Variants in UNC5D observed in about 807,000 individuals in gnomAD.
UNC5D encodes the protein unc-5 netrin receptor D, also known as netrin receptor UNC5D.
UNC5D carries 39 observed loss-of-function variants against 105.4 expected under a neutral mutation model. The ratio of observed to expected loss-of-function variants is 0.37; its 90% CI spans 0.29 to 0.48. The LOEUF is 0.48. Ranked by LOEUF, UNC5D falls within the 20% of genes least tolerant of loss-of-function variation. The probability of loss-of-function intolerance (pLI) is 0.98; values close to 1 mark genes in which losing one functional copy is unlikely to be tolerated. For synonymous variants in UNC5D, 452 were observed against 450.4 expected, an observed-to-expected ratio of 1.00 and a Z score of -0.04; for missense variants, 991 against 1,202.4, an observed-to-expected ratio of 0.82 and a Z score of 2.60.
chr8:35,310,895 G>T (rs1327886919), intron 1 of UNC5D, among the ~76,000 whole-genome samples: 6 of 152,142 alleles, frequency 3.9e-5, no homozygotes, highest in African/African-American at 1.4e-4. Context: ...ACACAGTTGG[G>T]TCCATATGAT....
chr8:35,285,782 A>G (rs1806551664), intron 1 of UNC5D, among the ~76,000 whole-genome samples: 1 of 152,136 alleles, frequency 6.6e-6, no homozygotes, highest in East Asian at 1.9e-4. Flanking sequence ...GAATCCACAG[A>G]TTAATTCCCT....
chr8:35,386,448 T>C (rs756241133), intron 1 of UNC5D, among the ~76,000 whole-genome samples: 11 of 152,242 alleles, frequency 7.2e-5, no homozygotes, highest in Admixed American at 3.9e-4. Flanking sequence ...GAAGATTCAG[T>C]GATTTCTTCT....
chr8:35,543,936 G>A (rs1042671358), intron 1 of UNC5D, among the ~76,000 whole-genome samples: 2 of 152,126 alleles, frequency 1.3e-5, no homozygotes, highest in African/African-American at 4.8e-5. Flanking sequence ...CCTGCGACAG[G>A]CACTCACTAA....
intron 1 of UNC5D, among the ~76,000 whole-genome samples, chr8:35,264,585 C>T (rs1435229660): frequency 6.6e-6 from 1 of 151,970 alleles, no homozygotes; most frequent in African/African-American, 2.4e-5. Context: ...AAAATTATAG[C>T]CAGGTGTGGT....
intron 1 of UNC5D, among the ~76,000 whole-genome samples, chr8:35,333,104 T>A (rs1229214704): frequency 6.6e-6 from 1 of 151,974 alleles, no homozygotes; most frequent in Non-Finnish European, 1.5e-5. Flanking sequence ...TCCCAGCCCT[T>A]TGGAAGTATG....
intron 7 of UNC5D, among the ~76,000 whole-genome samples, chr8:35,695,271 A>G (rs547308823): frequency 7.2e-5 from 11 of 152,278 alleles, no homozygotes; most frequent in African/African-American, 2.2e-4. Flanking sequence ...TCCTCTGCTC[A>G]GCTGGTAGGA....
At chr8:35,498,098 A>C (rs992604977) in intron 1 of UNC5D, among the ~76,000 whole-genome samples, 5 of 105,792 alleles carry the variant, frequency 4.7e-5, no homozygotes, top group African/African-American at 1.9e-4. Context: ...AAAAAAAAAA[A>C]AAAAAAAAAA....
chr8:35,628,364 C>A (rs1014358112), intron 4 of UNC5D, among the ~76,000 whole-genome samples: 2 of 152,090 alleles, frequency 1.3e-5, no homozygotes, highest in African/African-American at 4.8e-5. Flanking sequence ...GAATTCCTTA[C>A]CTCAGGTGAT....
chr8:35,752,460 G>A (rs1830330782), intron 13 of UNC5D, among the ~76,000 whole-genome samples: 1 of 152,178 alleles, frequency 6.6e-6, no homozygotes, highest in Non-Finnish European at 1.5e-5. Flanking sequence ...GAGCCAGCCT[G>A]TGTTCCTGAA....
chr8:35,533,918 G>A (rs867555257), intron 1 of UNC5D, among the ~76,000 whole-genome samples: 7 of 152,108 alleles, frequency 4.6e-5, no homozygotes, highest in Admixed American at 1.3e-4. Context: ...CGCACGGTGC[G>A]CGCACCCACT....
chr8:35,524,871 G>A (rs1024581350), intron 1 of UNC5D, among the ~76,000 whole-genome samples: 1 of 141,576 alleles, frequency 7.1e-6, no homozygotes, highest in African/African-American at 2.6e-5. Context: ...CAGAAGTAAA[G>A]GGCAGAGTGG....
intron 6 of UNC5D, among the ~76,000 whole-genome samples, chr8:35,685,822 A>G (rs2131349188): frequency 6.6e-6 from 1 of 152,202 alleles, no homozygotes; most frequent in South Asian, 2.1e-4. Context: ...TTTTTATAGT[A>G]CCCTATTCTT....
intron 1 of UNC5D, among the ~76,000 whole-genome samples, chr8:35,271,420 CACAT>C (rs1805318658): frequency 8.1e-6 from 1 of 123,048 alleles, no homozygotes; most frequent in African/African-American, 2.8e-5. Flanking sequence ...TGTATACACA[CACAT>C]ATGTGTGTGT....
intron 8 of UNC5D, among the ~76,000 whole-genome samples, chr8:35,720,476 CCCTCACTG>C (rs1828515218): frequency 6.6e-6 from 1 of 152,126 alleles, no homozygotes; most frequent in African/African-American, 2.4e-5. Context: ...ATCCAAAGTT[CCCTCACTG>C]CTTCCCATAC....
intron 1 of UNC5D, among the ~76,000 whole-genome samples, 199 bp from the exon 2 acceptor site, chr8:35,549,093 G>A (rs1205812039): frequency 6.6e-6 from 1 of 152,172 alleles, no homozygotes; most frequent in Non-Finnish European, 1.5e-5. Context: ...CTGAAGCCAT[G>A]GCTAGCTGGA....
Position 35,786,875 on chromosome 8 carries a change from A to G in UNC5D, c.2658-3484A>G, listed in dbSNP as rs1055611118. 2.0e-5 allele frequency among the ~76,000 whole-genome samples: 3 copies of G among 152,132 alleles called. No homozygotes were observed. In the East Asian group the frequency reaches 5.8e-4, roughly 29 times the overall value. The stretch of plus-strand genomic sequence containing the variant: ...CACATTTGGCCCACCACCTGCTTGT[A>G]TACAGCCCATGAGCTAAGGATGGTT... On this transcript the variant is annotated intron_variant, in intron 16 of 16. Coordinates refer to ENST00000404895, the MANE Select transcript of UNC5D (RefSeq NM_080872.4).
intron 4 of UNC5D, among the ~76,000 whole-genome samples, chr8:35,608,415 A>G (rs909820867): frequency 2.6e-5 from 4 of 152,216 alleles, no homozygotes; most frequent in African/African-American, 7.2e-5. Context: ...GCAAACATTT[A>G]TTTTTAAAAA....
intron 9 of UNC5D, among the ~76,000 whole-genome samples, chr8:35,722,888 GA>G (rs542746801): frequency 2.0e-5 from 3 of 151,798 alleles, no homozygotes; most frequent in South Asian, 2.1e-4. Flanking sequence ...CTAGCCAGGG[GA>G]AAAAAAATGA....
intron 4 of UNC5D, 100 bp from the exon 5 acceptor site, chr8:35,683,447 A>G: frequency 8.4e-7 from 1 of 1,190,518 alleles, no homozygotes. Context: ...TCTATATTTT[A>G]GATACATCTC....
Sources: gnomAD v4.1 joint callset for allele counts (sites outside exome capture counted in the v4.1 genomes callset) on GRCh38, gnomAD v4.1.1 for gene constraint, MANE v1.5 for transcripts, NCBI Gene and HGNC (gene_info 2026-07-23, HGNC 2026-07-21) for gene names.